ADGRD1: variants seen among roughly 807,000 people sequenced by gnomAD.
The protein encoded by ADGRD1 is G-protein coupled receptor 133.
In ADGRD1, 77 loss-of-function variants were observed where a neutral mutation model predicts 113.4. The observed-to-expected ratio is 0.68, with a 90% CI of 0.57 to 0.82. The LOEUF is 0.82. Among genes scored for constraint, ADGRD1 ranks in the 40% least tolerant of loss-of-function variants. ADGRD1 has a pLI of 0.00. For synonymous variants in ADGRD1, 474 were observed against 475.0 expected, an observed-to-expected ratio of 1.00 and a Z score of 0.03; for missense variants, 1,036 against 1,139.1, an observed-to-expected ratio of 0.91 and a Z score of 1.30.
In ADGRD1 at chr12:131,118,416, G is replaced by C; in HGVS notation, c.2073G>C (p.Leu691=). ...CTCTTCTGATCTGCATCATTTCACT[G>C]TCATTTGCCATGGACAGTTACGGAA... is the stretch of plus-strand genomic sequence containing the variant. ...GFPLLICIIS[L]SFAMDSYGTS... Residue 691 remains leucine, a synonymous_variant, in exon 19 of 25, where the codon CTG becomes CTC. Transcript: ENST00000261654. 1 of 1,612,394 alleles carries C rather than the reference G, an allele frequency of 6.2e-7. No individual in the cohort carries two copies. Among genetic ancestry groups the C allele is most frequent in the Non-Finnish European group, 8.5e-7 (1 of 1,179,422 alleles).
intron 2 of ADGRD1, among the ~76,000 whole-genome samples, chr12:130,958,974 C>A (rs1382376884): frequency 6.6e-6 from 1 of 152,162 alleles, no homozygotes; most frequent in Non-Finnish European, 1.5e-5. Context: ...TCAGAGGACA[C>A]AATATTAAGC....
intron 15 of ADGRD1, among the ~76,000 whole-genome samples, chr12:131,097,838 C>T (rs578166606): frequency 2.6e-5 from 4 of 152,318 alleles, no homozygotes; most frequent in Non-Finnish European, 4.4e-5. Context: ...GGACCTAGCC[C>T]GGAGTTCCTG....
intron 20 of ADGRD1, among the ~76,000 whole-genome samples, chr12:131,126,677 G>T (rs1950743817): frequency 6.6e-6 from 1 of 152,120 alleles, no homozygotes; most frequent in Non-Finnish European, 1.5e-5. Context: ...CTTCATAGTA[G>T]CCACGAGACC....
chr12:130,955,996 C>CCAGGCTGGT (rs1300889260), intron 2 of ADGRD1, among the ~76,000 whole-genome samples: 4 of 152,198 alleles, frequency 2.6e-5, no homozygotes, highest in Non-Finnish European at 4.4e-5. Flanking sequence ...GCCATGTTGG[C>CCAGGCTGGT]CAGGCTGGTC....
intron 15 of ADGRD1, among the ~76,000 whole-genome samples, chr12:131,091,724 A>T (rs1254417525): frequency 2.6e-5 from 4 of 152,172 alleles, no homozygotes; most frequent in African/African-American, 9.7e-5. Flanking sequence ...GGGGCCACAG[A>T]GGTGAGGCAG....
intron 24 of ADGRD1, among the ~76,000 whole-genome samples, chr12:131,138,764 G>A (rs1951172265): frequency 6.6e-6 from 1 of 152,248 alleles, no homozygotes; most frequent in African/African-American, 2.4e-5. Flanking sequence ...CTCCATGGGA[G>A]CTGGCTGGCT....
chr12:131,072,139 C>T (rs1230107955), intron 13 of ADGRD1, among the ~76,000 whole-genome samples: 1 of 151,378 alleles, frequency 6.6e-6, no homozygotes. Flanking sequence ...TGCAGGCTGG[C>T]ACCTGTGCAC....
intron 14 of ADGRD1, among the ~76,000 whole-genome samples, chr12:131,082,691 A>C (rs1886160038): frequency 6.6e-6 from 1 of 152,168 alleles, no homozygotes; most frequent in African/African-American, 2.4e-5. Context: ...TCCTGGGAAA[A>C]TTAGATCAAA....
chr12:131,094,482 G>T (rs898183069), intron 15 of ADGRD1, among the ~76,000 whole-genome samples: 2 of 152,152 alleles, frequency 1.3e-5, no homozygotes. Context: ...GGGCTCCAAG[G>T]AGAGGCCCCT....
chr12:131,005,661 G>A (rs1428013506), intron 11 of ADGRD1, among the ~76,000 whole-genome samples: 2 of 152,172 alleles, frequency 1.3e-5, no homozygotes, highest in African/African-American at 4.8e-5. Flanking sequence ...CCCTGGGTGA[G>A]CCTGGCTCTC....
Position 131,048,476 on chromosome 12 carries a change from G to A in ADGRD1, c.1474-28325G>A, listed in dbSNP as rs533148742. On this transcript the variant is annotated intron_variant, in intron 13 of 24. Coordinates refer to ENST00000261654, the MANE Select transcript of ADGRD1 (RefSeq NM_198827.5). ...GCAGAGGGGCCTGCCCATCTTTCCC[G>A]GGTTTGAGCCCACAGCCTACGGGAA... Among the ~76,000 whole-genome samples, 14 of 152,160 alleles carry A rather than the reference G, an allele frequency of 9.2e-5. No homozygotes were observed. In the East Asian group the frequency reaches 9.7e-4, roughly 10 times the overall value.
intron 20 of ADGRD1, among the ~76,000 whole-genome samples, chr12:131,123,251 G>T (rs1469302325): frequency 6.6e-6 from 1 of 151,150 alleles, no homozygotes; most frequent in Non-Finnish European, 1.5e-5. Context: ...CACCATGTTG[G>T]CCAGGCTGGT....
In ADGRD1 at chr12:131,014,335, A is replaced by G; in HGVS notation, c.1468A>G (p.Arg490Gly). The change falls in exon 13 of 25, where the codon AGA (arginine) becomes GGA (glycine). Residue 490 changes from arginine (R) to glycine (G), a missense_variant. Transcript: ENST00000261654. ...ACTCATTACGGTCCACCTCAAGCAC[A>G]GATTGGTGAGTGGCGGTGCCTTCAC... is the stretch of plus-strand genomic sequence containing the variant. Reference protein sequence around the residue: ...SPLITVHLKHRLTRKQHSEAT... With the variant: ...SPLITVHLKHGLTRKQHSEAT... 1 of 1,611,986 alleles carries G rather than the reference A, an allele frequency of 6.2e-7. No homozygotes were observed. Among genetic ancestry groups the G allele is most frequent in the Non-Finnish European group, 8.5e-7 (1 of 1,178,680 alleles).
intron 13 of ADGRD1, among the ~76,000 whole-genome samples, chr12:131,018,798 G>A (rs919113187): frequency 4.6e-5 from 7 of 152,212 alleles, no homozygotes; most frequent in South Asian, 2.1e-4. Context: ...AAGCACAGCC[G>A]TTTCATTTCC....
intron 17 of ADGRD1, among the ~76,000 whole-genome samples, chr12:131,107,863 G>C (rs1950268173): frequency 1.3e-5 from 2 of 152,210 alleles, no homozygotes; most frequent in Non-Finnish European, 2.9e-5. Context: ...CGTATCTGAA[G>C]GACAGAACTT....
In ADGRD1 at chr12:130,979,815, T is replaced by TCACACA. The variant is rs1491129989; in HGVS notation, c.311-2068_311-2067insACACAC. Among the ~76,000 whole-genome samples the TCACACA allele has an allele frequency of 2.7e-3, 383 of 139,808 alleles. 2 individuals are homozygous for TCACACA. Among genetic ancestry groups the TCACACA allele is most frequent in the Middle Eastern group, 7.4e-3 (2 of 272 alleles). The allele number at this position is 139,808 out of a possible 152,430, so 91.7% of individuals were successfully genotyped here. Reference sequence around the variant, plus strand: ...GCAGAATCCAGACAGGCAGCTAGTGTCTCACACACACACACACACACACAC... The same window carrying TCACACA: ...GCAGAATCCAGACAGGCAGCTAGTGTCACACACTCACACACACACACACACACACAC... On this transcript the variant is annotated intron_variant, in intron 4 of 24. Coordinates refer to ENST00000261654, the MANE Select transcript of ADGRD1 (RefSeq NM_198827.5).
chr12:131,134,553 T>C (rs946134624), intron 21 of ADGRD1, among the ~76,000 whole-genome samples: 2 of 152,252 alleles, frequency 1.3e-5, no homozygotes, highest in African/African-American at 4.8e-5. Flanking sequence ...GATATTGTTG[T>C]TTCCCAGAAA....
intron 20 of ADGRD1, among the ~76,000 whole-genome samples, chr12:131,121,415 T>A (rs1263246911): frequency 6.6e-6 from 1 of 152,224 alleles, no homozygotes; most frequent in Non-Finnish European, 1.5e-5. Context: ...AGACGGAGTC[T>A]CACTTTGTCT....
chr12:131,048,771 A>G lies in ADGRD1; in HGVS notation c.1474-28030A>G, dbSNP rs368509697. On this transcript the variant is annotated intron_variant, in intron 13 of 24. Transcript: ENST00000261654. ...TGCTGGCGTGGCCCTCCTGTGCACC[A>G]CGGGGCTACACCCACATTCCAGGAG... Among the ~76,000 whole-genome samples, 29 of 152,294 alleles carry G rather than the reference A, an allele frequency of 1.9e-4. No individual in the cohort carries two copies. The East Asian group carries it at 5.0e-3, about 26-fold the overall frequency.
Sources: allele counts gnomAD v4.1 joint callset (sites outside exome capture counted in the v4.1 genomes callset), GRCh38; gene constraint gnomAD v4.1.1; transcripts MANE v1.5; gene names NCBI Gene and HGNC (gene_info 2026-07-23, HGNC 2026-07-21).